The following GOLM1 variants were observed in gnomAD, a reference collection of about 807,000 sequenced individuals.
The protein encoded by GOLM1 is golgi membrane protein 1.
GOLM1 carries 31 observed loss-of-function variants against 50.5 expected under a neutral mutation model. The observed-to-expected ratio is 0.61, with a 90% CI of 0.46 to 0.83. The LOEUF is 0.83. Ranked by LOEUF, GOLM1 falls within the 40% of genes least tolerant of loss-of-function variation. The pLI, the probability that GOLM1 is intolerant of heterozygous loss-of-function variation, is 0.00. For synonymous variants in GOLM1, 178 were observed against 192.8 expected (o/e 0.92, Z 0.64); for missense variants, 491 against 501.3 (o/e 0.98, Z 0.20).
intron 4 of GOLM1, among the ~76,000 whole-genome samples, chr9:86,052,130 G>A (rs1833773332): frequency 6.6e-6 from 1 of 152,196 alleles, no homozygotes. Flanking sequence ...GCCAAGTTGA[G>A]TCAGAGCGGC....
intron 1 of GOLM1, among the ~76,000 whole-genome samples, chr9:86,095,484 G>C (rs1563971298): frequency 2.0e-5 from 3 of 151,370 alleles, no homozygotes; most frequent in South Asian, 2.1e-4. Context: ...CTGACTTGAA[G>C]TGATCCGCCC....
intron 1 of GOLM1, among the ~76,000 whole-genome samples, chr9:86,091,838 G>A (rs1398262572): frequency 6.6e-6 from 1 of 152,206 alleles, no homozygotes; most frequent in Non-Finnish European, 1.5e-5. Context: ...CAAGGGAAGT[G>A]TACAGATAAC....
intron 8 of GOLM1, among the ~76,000 whole-genome samples, chr9:86,034,536 A>C (rs1208184261): frequency 3.3e-5 from 5 of 152,146 alleles, no homozygotes; most frequent in Non-Finnish European, 7.3e-5. Flanking sequence ...CTCACACACC[A>C]CAAGCATCTT....
At chr9:86,074,114 C>A (rs959308087) in intron 3 of GOLM1, among the ~76,000 whole-genome samples, 1 of 151,962 alleles carries the variant, frequency 6.6e-6, no homozygotes, top group African/African-American at 2.4e-5. Context: ...TTGCAAACCA[C>A]CCCCAGCCAC....
intron 1 of GOLM1, among the ~76,000 whole-genome samples, chr9:86,091,598 G>A (rs546869402): frequency 2.0e-5 from 3 of 152,046 alleles, no homozygotes; most frequent in East Asian, 1.9e-4. Context: ...GAATCTTGTC[G>A]CCCAGGCTGG....
At chr9:86,082,465 T>C (rs1834815043) in intron 1 of GOLM1, among the ~76,000 whole-genome samples, 1 of 151,662 alleles carries the variant, frequency 6.6e-6, no homozygotes, top group Non-Finnish European at 1.5e-5. Flanking sequence ...AATAGCTGCC[T>C]AGTGGTGTGA....
chr9:86,047,298 C>T (rs367600248), intron 4 of GOLM1, among the ~76,000 whole-genome samples: 18 of 152,314 alleles, frequency 1.2e-4, no homozygotes, highest in African/African-American at 3.8e-4. Flanking sequence ...CAGCCAGGCC[C>T]GGACACAGCC....
chr9:86,075,216 T>A (rs1390573350), intron 3 of GOLM1, among the ~76,000 whole-genome samples: 3 of 152,250 alleles, frequency 2.0e-5, no homozygotes, highest in Non-Finnish European at 4.4e-5. Context: ...GAATAAATAC[T>A]TGTTGTTTAT....
intron 3 of GOLM1, among the ~76,000 whole-genome samples, chr9:86,064,442 C>T (rs1382045137): frequency 6.6e-6 from 1 of 152,174 alleles, no homozygotes; most frequent in Non-Finnish European, 1.5e-5. Context: ...CAAATCTGCT[C>T]ACTTTGCAGA....
At chr9:86,062,657 G>T (rs1488989260) in intron 3 of GOLM1, among the ~76,000 whole-genome samples, 1 of 149,890 alleles carries the variant, frequency 6.7e-6, no homozygotes, top group African/African-American at 2.5e-5. Flanking sequence ...GGAGAGGGGT[G>T]GAGGGACAGA....
chr9:86,087,820 G>A lies in GOLM1; in HGVS notation c.-21-8479C>T, dbSNP rs532450436. On this transcript the variant is annotated intron_variant, in intron 1 of 9. Coordinates refer to ENST00000388712, the MANE Select transcript of GOLM1 (RefSeq NM_016548.4). ...GATTGTAGTGGATAAGCTTTTTGAT[G>A]TGCTGCTGGATTTGGTTTGCCAGTA... 2.0e-5 allele frequency among the ~76,000 whole-genome samples: 3 copies of A among 152,280 alleles called. No homozygotes were observed. In the East Asian group the frequency reaches 5.8e-4, roughly 29 times the overall value.
At chr9:86,047,771 G>C (rs1587706861) in intron 4 of GOLM1, among the ~76,000 whole-genome samples, 1 of 152,180 alleles carries the variant, frequency 6.6e-6, no homozygotes. Context: ...TGAATGACTT[G>C]TATCACAGTG....
intron 6 of GOLM1, among the ~76,000 whole-genome samples, chr9:86,038,160 GA>G (rs552680791): frequency 0.037 from 3,257 of 88,278 alleles, 114 homozygotes; most frequent in African/African-American, 0.11. Context: ...AACACCAAAA[GA>G]AAAAAAAAAA....
At chr9:86,073,528 AG>A (rs1363128724) in intron 3 of GOLM1, among the ~76,000 whole-genome samples, 1 of 151,978 alleles carries the variant, frequency 6.6e-6, no homozygotes, top group Non-Finnish European at 1.5e-5. Context: ...ACTTACTTTC[AG>A]GGGGGTGCAC....
chr9:86,068,457 C>T (rs148203236), intron 3 of GOLM1, among the ~76,000 whole-genome samples: 2,110 of 152,312 alleles, frequency 0.014, 24 homozygotes, highest in Middle Eastern at 0.017. Flanking sequence ...CTCTCAAAAC[C>T]CAGCCCTTGC....
chr9:86,083,639 C>T (rs1834854819), intron 1 of GOLM1, among the ~76,000 whole-genome samples: 1 of 152,184 alleles, frequency 6.6e-6, no homozygotes, highest in African/African-American at 2.4e-5. Context: ...CTGCCTGCCT[C>T]GGCCTCCCAA....
rs551562616 is a variant in GOLM1, at chr9:86,033,930, T to C, written c.1016-535A>G. On this transcript the variant is annotated intron_variant, in intron 8 of 9. Coordinates refer to ENST00000388712, the MANE Select transcript of GOLM1 (RefSeq NM_016548.4). ...ACCTACTCAAAGGGTTTAACTTACA[T>C]ATTTTATATGTGTATGCAGGCTGGT... Among the ~76,000 whole-genome samples, 3 of 152,090 alleles carry C rather than the reference T, an allele frequency of 2.0e-5. No homozygotes were observed. The East Asian group carries it at 5.8e-4, about 29-fold the overall frequency.
At chr9:86,085,185 C>A (rs1433955441) in intron 1 of GOLM1, 1 of 152,280 alleles carries the variant, frequency 6.6e-6, no homozygotes. Context: ...CTTTTTAATG[C>A]CTGACAATCT....
Position 86,036,405 on chromosome 9 carries a change from G to A in GOLM1, c.700C>T (p.Gln234Ter), listed in dbSNP as rs1161622602. 1.2e-6 allele frequency: 2 copies of A among 1,614,162 alleles called. No homozygotes were observed. The highest frequency in any genetic ancestry group is 1.7e-6 in the Non-Finnish European group (2 of 1,180,016). Reference sequence around the variant, plus strand: ...ACTTCGGAACTGGGGGCTGGTGTCTGGGACTTGCTGTTACCAAGCACGTTT... The same window carrying A: ...ACTTCGGAACTGGGGGCTGGTGTCTAGGACTTGCTGTTACCAAGCACGTTT... ...KGNVLGNSKS[Q>*]TPAPSSEVVL... The change falls in exon 7 of 10, where the codon CAG becomes TAG. Residue 234 changes from glutamine to a stop codon, truncating the protein, a stop_gained. Transcript: ENST00000388712. LOFTEE classifies it high-confidence loss of function.
Sources: gnomAD v4.1 joint callset for allele counts (sites outside exome capture counted in the v4.1 genomes callset) on GRCh38, gnomAD v4.1.1 for gene constraint, MANE v1.5 for transcripts, NCBI Gene and HGNC (gene_info 2026-07-23, HGNC 2026-07-21) for gene names.